Variants in LRMDA observed in about 807,000 individuals in gnomAD.
LRMDA encodes leucine-rich melanocyte differentiation-associated protein.
In LRMDA, 18 loss-of-function variants were observed where a neutral mutation model predicts 29.8. The observed-to-expected ratio is 0.60, with a 90% confidence interval of 0.42 to 0.90. LRMDA has a LOEUF of 0.90. Among genes scored for constraint, LRMDA ranks in the 40% least tolerant of loss-of-function variants. The pLI is 0.00. For synonymous variants in LRMDA, 125 were observed against 109.4 expected, an observed-to-expected ratio of 1.14 and a Z score of -0.89; for missense variants, 273 against 273.9, an observed-to-expected ratio of 1.00 and a Z score of 0.02.
In LRMDA at chr10:75,585,572, A is replaced by C. The variant is rs140641808; in HGVS notation, c.131+147078A>C. Among the ~76,000 whole-genome samples, 1,074 of 152,320 alleles carry C rather than the reference A, an allele frequency of 7.1e-3. 5 individuals carry two copies. The highest frequency in any genetic ancestry group is 0.014 in the Middle Eastern group (4 of 294). ...GTAGATACCACTCAACAGTTTTCCA[A>C]AGTAGTTCTGTCAATTTGTGTTTTT... On this transcript the variant is annotated intron_variant, in intron 2 of 6. Coordinates refer to ENST00000611255, the MANE Select transcript of LRMDA (RefSeq NM_001305581.2).
intron 5 of LRMDA, among the ~76,000 whole-genome samples, chr10:76,140,067 C>A (rs1017959177): frequency 9.9e-5 from 15 of 152,084 alleles, no homozygotes; most frequent in Admixed American, 3.9e-4. Flanking sequence ...AGCTCTGTTC[C>A]AATCTGAGCC....
At chr10:76,277,517 G>A (rs1198364905) in intron 5 of LRMDA, among the ~76,000 whole-genome samples, 1 of 151,968 alleles carries the variant, frequency 6.6e-6, no homozygotes, top group Non-Finnish European at 1.5e-5. Flanking sequence ...AAAGCTATTT[G>A]GATTTTTTTT....
intron 2 of LRMDA, among the ~76,000 whole-genome samples, chr10:75,833,300 A>G (rs1282479523): frequency 6.6e-6 from 1 of 152,224 alleles, no homozygotes; most frequent in Non-Finnish European, 1.5e-5. Context: ...AAAGCCTGAA[A>G]GACACTCTGA....
At chr10:76,541,330 A>T (rs934003090) in intron 6 of LRMDA, among the ~76,000 whole-genome samples, 1 of 152,086 alleles carries the variant, frequency 6.6e-6, no homozygotes. Flanking sequence ...CCAAAACCTC[A>T]TCTCTACTAA....
intron 5 of LRMDA, among the ~76,000 whole-genome samples, chr10:76,197,777 G>A (rs571224406): frequency 2.4e-4 from 36 of 152,060 alleles, no homozygotes; most frequent in African/African-American, 6.5e-4. Context: ...AAAATTAGCC[G>A]GGCATGATGA....
chr10:76,332,801 T>G (rs1365146231), intron 6 of LRMDA, among the ~76,000 whole-genome samples: 1 of 152,338 alleles, frequency 6.6e-6, no homozygotes, highest in Admixed American at 6.5e-5. Context: ...ATGTCTTCAT[T>G]TAGTACCTAT....
intron 5 of LRMDA, among the ~76,000 whole-genome samples, chr10:76,174,805 G>A (rs1213335507): frequency 6.6e-6 from 1 of 152,154 alleles, no homozygotes; most frequent in East Asian, 1.9e-4. Context: ...ATTATTTAAT[G>A]TTTCTGAGCT....
intron 2 of LRMDA, among the ~76,000 whole-genome samples, chr10:75,751,395 T>C (rs1425921110): frequency 6.6e-6 from 1 of 151,820 alleles, no homozygotes; most frequent in Non-Finnish European, 1.5e-5. Context: ...GAGAGGAATA[T>C]AGAAACTTTA....
At chr10:76,378,858 C>CTTTTTTT (rs144037195) in intron 6 of LRMDA, among the ~76,000 whole-genome samples, 1 of 118,966 alleles carries the variant, frequency 8.4e-6, no homozygotes, top group Non-Finnish European at 1.6e-5. Flanking sequence ...CTTTTTTTTT[C>CTTTTTTT]TTTTTTTTTT....
At chr10:75,833,249 A>G (rs889661862) in intron 2 of LRMDA, among the ~76,000 whole-genome samples, 4 of 152,202 alleles carry the variant, frequency 2.6e-5, no homozygotes, top group Non-Finnish European at 5.9e-5. Context: ...GACTGGTACA[A>G]GAGAAAGAAG....
chr10:76,210,461 T>C lies in LRMDA; in HGVS notation c.517-113940T>C, dbSNP rs148045356. Among the ~76,000 whole-genome samples the C allele has an allele frequency of 9.6e-4, 147 of 152,340 alleles. 2 individuals carry two copies. The East Asian group carries it at 0.026, about 27-fold the overall frequency. Reference sequence around the variant, plus strand: ...GTGGGTCCAAGTCTGACTCATCCTCTGAGTGTACTGTACATAGTAAGTGCT... The same window carrying C: ...GTGGGTCCAAGTCTGACTCATCCTCCGAGTGTACTGTACATAGTAAGTGCT... On this transcript the variant is annotated intron_variant, in intron 5 of 6. Transcript: ENST00000611255.
intron 6 of LRMDA, among the ~76,000 whole-genome samples, chr10:76,392,587 C>A (rs1427354483): frequency 6.6e-6 from 1 of 151,886 alleles, no homozygotes; most frequent in African/African-American, 2.4e-5. Context: ...ACATTGGTGT[C>A]CAACAAGTTT....
intron 5 of LRMDA, among the ~76,000 whole-genome samples, chr10:76,251,419 A>ATT (rs1208916279): frequency 6.7e-6 from 1 of 148,862 alleles, no homozygotes; most frequent in Non-Finnish European, 1.5e-5. Context: ...CGCCCGGCTA[A>ATT]TTTTTTGTAT....
chr10:76,303,815 A>G (rs1160954388), intron 5 of LRMDA, among the ~76,000 whole-genome samples: 1 of 151,672 alleles, frequency 6.6e-6, no homozygotes, highest in African/African-American at 2.4e-5. Context: ...AAGCAGGAAT[A>G]TGACATTCAG....
intron 6 of LRMDA, among the ~76,000 whole-genome samples, chr10:76,403,550 A>G (rs1401183133): frequency 1.3e-5 from 2 of 152,236 alleles, no homozygotes; most frequent in East Asian, 3.9e-4. Flanking sequence ...TGGGGCTTTA[A>G]CTGAGAAGAA....
At chr10:75,818,336 AT>A (rs1844095889) in intron 2 of LRMDA, among the ~76,000 whole-genome samples, 1 of 152,156 alleles carries the variant, frequency 6.6e-6, no homozygotes, top group South Asian at 2.1e-4. Flanking sequence ...ATAAAGATAA[AT>A]CATAACTGTC....
At chr10:75,869,625 C>G (rs1845076375) in intron 2 of LRMDA, among the ~76,000 whole-genome samples, 1 of 152,200 alleles carries the variant, frequency 6.6e-6, no homozygotes, top group Non-Finnish European at 1.5e-5. Context: ...AAGTGCATTA[C>G]TGATTCCTGG....
chr10:75,940,308 T>C (rs1846367581), intron 2 of LRMDA, among the ~76,000 whole-genome samples: 1 of 152,016 alleles, frequency 6.6e-6, no homozygotes, highest in African/African-American at 2.4e-5. Context: ...GAAAGGCCTT[T>C]GTTCTCCTCA....
intron 6 of LRMDA, among the ~76,000 whole-genome samples, chr10:76,551,074 G>A (rs1033026446): frequency 6.6e-6 from 1 of 152,188 alleles, no homozygotes; most frequent in Non-Finnish European, 1.5e-5. Flanking sequence ...AAAGACTGAG[G>A]AATGTGCTTT....
Sources: gnomAD v4.1 joint callset for allele counts (sites outside exome capture counted in the v4.1 genomes callset) on GRCh38, gnomAD v4.1.1 for gene constraint, MANE v1.5 for transcripts, NCBI Gene and HGNC (gene_info 2026-07-23, HGNC 2026-07-21) for gene names.